KLHL14: variants seen among roughly 807,000 people sequenced by gnomAD.
KLHL14 encodes kelch like family member 14.
Under a neutral mutation model 64.3 loss-of-function variants are expected in KLHL14, and 22 were observed. The observed-to-expected ratio is 0.34, with a 90% CI of 0.24 to 0.49. The LOEUF (loss-of-function observed/expected upper bound fraction) is 0.49, where lower values mean the gene tolerates loss of function less well. Ranked by LOEUF, KLHL14 falls within the 20% of genes least tolerant of loss-of-function variation. KLHL14 has a pLI of 0.99. For missense variants in KLHL14, 661 were observed against 789.0 expected (o/e 0.84, Z 1.94); for synonymous variants, 322 against 333.4 (o/e 0.97, Z 0.37).
At chr18:32,721,062 G>A (rs1385631176) in intron 3 of KLHL14, among the ~76,000 whole-genome samples, 1 of 152,198 alleles carries the variant, frequency 6.6e-6, no homozygotes, top group Non-Finnish European at 1.5e-5. Context: ...AAGCGCAATT[G>A]CCAACAAAGT....
chr18:32,713,648 C>T (rs1157852710), intron 3 of KLHL14, among the ~76,000 whole-genome samples: 2 of 152,110 alleles, frequency 1.3e-5, no homozygotes, highest in Non-Finnish European at 2.9e-5. Flanking sequence ...AATATGTAAA[C>T]ATGAATTATG....
chr18:32,690,995 G>A (rs1218652664), intron 4 of KLHL14, among the ~76,000 whole-genome samples: 2 of 152,140 alleles, frequency 1.3e-5, no homozygotes, highest in Non-Finnish European at 2.9e-5. Flanking sequence ...TCAAGAAAGA[G>A]TTGTCTAGAG....
chr18:32,762,805 C>T (rs2050321428), intron 2 of KLHL14, among the ~76,000 whole-genome samples: 1 of 152,076 alleles, frequency 6.6e-6, no homozygotes, highest in Non-Finnish European at 1.5e-5. Flanking sequence ...GGAAAATGAA[C>T]ATGTTTTCTG....
intron 3 of KLHL14, among the ~76,000 whole-genome samples, chr18:32,725,367 G>C (rs1398000897): frequency 1.3e-5 from 2 of 152,094 alleles, no homozygotes; most frequent in African/African-American, 4.8e-5. Flanking sequence ...TTTGCATATG[G>C]AGTAATCAAA....
chr18:32,674,547 G>A lies in KLHL14; in HGVS notation c.*110C>T, dbSNP rs1466988534. On this transcript the variant is annotated 3_prime_UTR_variant, in exon 9 of 9. Transcript: ENST00000359358. ...ACTTATAAATCATCAGAAACCAAGG[G>A]TGGGTTTTGGCAGTTGTACCATTAG... is the stretch of plus-strand genomic sequence containing the variant. The A allele has an allele frequency of 1.5e-6, 1 of 669,476 alleles. No individual in the cohort carries two copies. The allele number at this position is 669,476 out of a possible 1,614,324, so 41.5% of individuals were successfully genotyped here. A position where few individuals can be genotyped will look rare whatever the true frequency, so the allele number is the denominator to read the frequency against.
chr18:32,713,004 T>C (rs186193535), intron 3 of KLHL14, among the ~76,000 whole-genome samples: 1 of 152,272 alleles, frequency 6.6e-6, no homozygotes, highest in East Asian at 1.9e-4. Context: ...TAAGCCAGCA[T>C]GCTCCAAGAG....
At chr18:32,746,162 C>G (rs948979546) in intron 2 of KLHL14, among the ~76,000 whole-genome samples, 2 of 152,118 alleles carry the variant, frequency 1.3e-5, no homozygotes, top group Non-Finnish European at 2.9e-5. Flanking sequence ...CCATTTTACC[C>G]AACCCAGACC....
intron 3 of KLHL14, among the ~76,000 whole-genome samples, chr18:32,740,477 A>G (rs2050190507): frequency 6.6e-6 from 1 of 152,166 alleles, no homozygotes; most frequent in South Asian, 2.1e-4. Context: ...TCACTCTGTC[A>G]TTTCTCTTTG....
chr18:32,713,332 C>A (rs958497030), intron 3 of KLHL14, among the ~76,000 whole-genome samples: 2 of 152,224 alleles, frequency 1.3e-5, no homozygotes, highest in Non-Finnish European at 1.5e-5. Context: ...TCCAAATATT[C>A]CCCTTCCCAC....
intron 1 of KLHL14, chr18:32,772,123 C>G (rs1336978968): frequency 9.0e-6 from 2 of 222,274 alleles, no homozygotes; most frequent in East Asian, 1.7e-4. Context: ...CCGGCCCGCC[C>G]GCCCGGGGGA....
chr18:32,733,875 A>C, intron 3 of KLHL14: 1 of 360,044 alleles, frequency 2.8e-6, no homozygotes, highest in South Asian at 5.5e-5. Context: ...GGTCTTTCCA[A>C]ATGAACGTGT....
At chr18:32,761,549 T>C (rs1358791545) in intron 2 of KLHL14, among the ~76,000 whole-genome samples, 1 of 152,168 alleles carries the variant, frequency 6.6e-6, no homozygotes, top group African/African-American at 2.4e-5. Flanking sequence ...TCAAGGCTCA[T>C]CTTATACCTT....
At position 32,712,372 on chromosome 18, in the gene KLHL14, T is replaced by C. The variant is rs555968644; in HGVS notation, c.1070-16820A>G. ...AAAGAATTCCCACAGCTTCCCTGCC[T>C]CATACCTACCAAATTACCTGCATCA... is the stretch of plus-strand genomic sequence containing the variant. On this transcript the variant is annotated intron_variant, in intron 3 of 8. Coordinates refer to ENST00000359358, the MANE Select transcript of KLHL14 (RefSeq NM_020805.3). Among the ~76,000 whole-genome samples the C allele has an allele frequency of 7.9e-5, 12 of 152,330 alleles. No homozygotes were observed. The East Asian group carries it at 2.3e-3, about 29-fold the overall frequency.
intron 2 of KLHL14, among the ~76,000 whole-genome samples, chr18:32,753,328 G>T (rs1043933671): frequency 6.6e-6 from 1 of 152,122 alleles, no homozygotes; most frequent in African/African-American, 2.4e-5. Flanking sequence ...ACCATGTGAA[G>T]ATCAACAACT....
At chr18:32,759,221 T>G (rs568053190) in intron 2 of KLHL14, among the ~76,000 whole-genome samples, 8 of 152,298 alleles carry the variant, frequency 5.3e-5, no homozygotes, top group African/African-American at 1.9e-4. Context: ...TTGGGATCTA[T>G]ATATCACTCA....
intron 3 of KLHL14, among the ~76,000 whole-genome samples, chr18:32,729,406 TG>T (rs2050124775): frequency 6.6e-6 from 1 of 152,190 alleles, no homozygotes; most frequent in South Asian, 2.1e-4. Context: ...AATAGTCACA[TG>T]GGGCTAGTGA....
At chr18:32,677,036 T>C (rs1598543808) in intron 8 of KLHL14, 137 bp downstream of exon 8, 1 of 952,724 alleles carries the variant, frequency 1.0e-6, no homozygotes, top group Non-Finnish European at 1.6e-6. Flanking sequence ...TATTTTACTA[T>C]CTAAAGCAAC....
chr18:32,711,157 A>G (rs981891968), intron 3 of KLHL14, among the ~76,000 whole-genome samples: 1 of 152,166 alleles, frequency 6.6e-6, no homozygotes, highest in Non-Finnish European at 1.5e-5. Flanking sequence ...CTTTAAGGAA[A>G]AAATAGGAAG....
At chr18:32,695,759 C>T (rs1234299512) in intron 3 of KLHL14, among the ~76,000 whole-genome samples, 1 of 151,982 alleles carries the variant, frequency 6.6e-6, no homozygotes, top group African/African-American at 2.4e-5. Flanking sequence ...GGTTTCAAAC[C>T]CAACCCCTTT....
Sources: allele counts gnomAD v4.1 joint callset (sites outside exome capture counted in the v4.1 genomes callset), GRCh38; gene constraint gnomAD v4.1.1; transcripts MANE v1.5; gene names NCBI Gene and HGNC (gene_info 2026-07-23, HGNC 2026-07-21).